Variants in PRXL2B observed in about 807,000 individuals in gnomAD.
PRXL2B encodes the protein peroxiredoxin like 2B, also known as prostamide/prostaglandin F synthase.
In PRXL2B, 26 loss-of-function variants were observed where a neutral mutation model predicts 24.4. The observed-to-expected ratio is 1.07, with a 90% CI of 0.78 to 1.48. PRXL2B has a LOEUF of 1.48. Ranked by LOEUF, PRXL2B falls within the 40% of genes most tolerant of loss-of-function variation. The pLI is 0.00. For synonymous variants in PRXL2B, 115 were observed against 118.9 expected, an observed-to-expected ratio of 0.97 and a Z score of 0.21; for missense variants, 269 against 264.8, an observed-to-expected ratio of 1.02 and a Z score of -0.11.
chr1:2,589,373 T>C (rs773671370), intron 6 of PRXL2B, 37 bp from the exon 7 acceptor site: 16 of 1,610,208 alleles, frequency 9.9e-6, no homozygotes, highest in African/African-American at 1.3e-5. Flanking sequence ...TCTGATCCAG[T>C]GTCCAGCGGC....
chr1:2,588,782 T>C (rs1407627817), intron 5 of PRXL2B, 140 bp from the exon 6 acceptor site: 14 of 1,186,710 alleles, frequency 1.2e-5, no homozygotes, highest in Non-Finnish European at 1.7e-5. Flanking sequence ...AGTGGGGCTG[T>C]GGCAGAACAG....
chr1:2,587,093 C>G lies in PRXL2B; in HGVS notation c.66C>G (p.Ala22=), dbSNP rs1485132279. The part of the protein sequence containing the change: ...CILKHAVTGE[A]VELRSLWREH... ...CCCATGACCCAGCCGCCCGGCAGGC[C>G]GTGGAGCTGCGGAGCCTGTGGCGGG... Residue 22 remains alanine, a splice_region_variant and synonymous_variant, in exon 2 of 7, where the codon GCC becomes GCG. Coordinates refer to ENST00000419916, the MANE Select transcript of PRXL2B (RefSeq NM_152371.5). The surrounding 1 kb of genome is among the most constrained non-coding windows in gnomAD (Gnocchi z 6.1). 10 of 1,529,420 alleles carry G rather than the reference C, an allele frequency of 6.5e-6. No homozygotes were observed. The highest frequency in any genetic ancestry group is 5.6e-5 in the African/African-American group (4 of 71,686). The allele number at this position is 1,529,420 out of a possible 1,614,324, so 94.7% of individuals were successfully genotyped here.
chr1:2,588,463 G>A lies in PRXL2B; in HGVS notation c.384+10G>A. 1 of 1,614,122 alleles carries A rather than the reference G, an allele frequency of 6.2e-7. No individual in the cohort carries two copies. The highest frequency in any genetic ancestry group is 8.5e-7 in the Non-Finnish European group (1 of 1,180,006). ...TGATGTGGCTGCCAAGGTGTGTGCG[G>A]GTCAAGGGTGTACAGGCCGGGGGGT... is the stretch of plus-strand genomic sequence containing the variant. On this transcript the variant is annotated intron_variant, in intron 4 of 6. Coordinates refer to ENST00000419916, the MANE Select transcript of PRXL2B (RefSeq NM_152371.5).
In PRXL2B at chr1:2,588,930, A is replaced by C; in HGVS notation, c.469A>C (p.Lys157Gln). The C allele has an allele frequency of 6.2e-7, 1 of 1,613,184 alleles. No homozygotes were observed. Among genetic ancestry groups the C allele is most frequent in the Non-Finnish European group, 8.5e-7 (1 of 1,179,952 alleles). ...CCTGCCCGCTGCTACAGGTGGTGAT[A>C]AAGTGCTCCTGCATTTCGTCCAGAA... is the stretch of plus-strand genomic sequence containing the variant. ...GLLVVSKGGD[K>Q]VLLHFVQKSP... Residue 157 changes from lysine to glutamine, a missense_variant, in exon 6 of 7, where the codon AAA becomes CAA. Physicochemically the swap from Lys to Gln is moderately conservative, Grantham distance 53. Transcript: ENST00000419916.
At chr1:2,588,765 T>G in intron 5 of PRXL2B, 140 bp downstream of exon 5, 2 of 1,189,924 alleles carry the variant, frequency 1.7e-6, no homozygotes, top group South Asian at 2.7e-5. Flanking sequence ...GCGTGTCTGC[T>G]GGGCTGAGTG....
At position 2,591,178 on chromosome 1, in the gene PRXL2B, A is replaced by C; in HGVS notation, c.*1751A>C. 1.1e-6 allele frequency: 1 copy of C among 877,258 alleles called. No homozygotes were observed. Among genetic ancestry groups the C allele is most frequent in the Non-Finnish European group, 1.7e-6 (1 of 585,010 alleles). The allele number at this position is 877,258 out of a possible 1,614,324, so 54.3% of individuals were successfully genotyped here. Reference sequence around the variant, plus strand: ...TTCTCCGTGATTAAAAACCAGCCCAAAACATCAGCCTAATGGCTCATGTCA... The same window carrying C: ...TTCTCCGTGATTAAAAACCAGCCCACAACATCAGCCTAATGGCTCATGTCA... On this transcript the variant is annotated 3_prime_UTR_variant, in exon 7 of 7. Coordinates refer to ENST00000419916, the MANE Select transcript of PRXL2B (RefSeq NM_152371.5).
In PRXL2B at chr1:2,589,527, G is replaced by A. The variant is rs748901492; in HGVS notation, c.*100G>A. 142 of 1,561,716 alleles carry A rather than the reference G, an allele frequency of 9.1e-5. No individual in the cohort carries two copies. Among genetic ancestry groups the A allele is most frequent in the Non-Finnish European group, 1.2e-4 (137 of 1,141,938 alleles). ...AGAACTGTTCCGGAGGCGCTGGGTCGGGATGCCGAACCTCTCCTGATCCGC... is the reference window on the plus strand; with the variant it reads ...AGAACTGTTCCGGAGGCGCTGGGTCAGGATGCCGAACCTCTCCTGATCCGC... On this transcript the variant is annotated 3_prime_UTR_variant, in exon 7 of 7. Transcript: ENST00000419916.
rs778844101 is a variant in PRXL2B, at chr1:2,590,906, A to G, written c.*1479A>G. 21 of 1,121,704 alleles carry G rather than the reference A, an allele frequency of 1.9e-5. No individual in the cohort carries two copies. Among genetic ancestry groups the G allele is most frequent in the Non-Finnish European group, 2.5e-5 (21 of 849,774 alleles). The allele number at this position is 1,121,704 out of a possible 1,614,324, so 69.5% of individuals were successfully genotyped here. On this transcript the variant is annotated 3_prime_UTR_variant, in exon 7 of 7. Transcript: ENST00000419916. Reference sequence around the variant, plus strand: ...CATGGTTGGCCGGGGCGGGACGTACACTGGGTCGCCGCTAGCTGCACCTTC... The same window carrying G: ...CATGGTTGGCCGGGGCGGGACGTACGCTGGGTCGCCGCTAGCTGCACCTTC...
At chr1:2,588,849 C>G in intron 5 of PRXL2B, 73 bp from the exon 6 acceptor site, 3 of 1,462,530 alleles carry the variant, frequency 2.1e-6, no homozygotes, top group Non-Finnish European at 1.9e-6. Context: ...GCCCTACCCT[C>G]CCTCCTCCTG....
Position 2,591,355 on chromosome 1 carries a change from C to A in PRXL2B, c.*1928C>A, listed in dbSNP as rs901719103. 5 of 603,256 alleles carry A rather than the reference C, an allele frequency of 8.3e-6. No homozygotes were observed. The Admixed American group carries it at 1.2e-4, about 14-fold the overall frequency. 37.4% of individuals were successfully genotyped at this position (603,256 alleles called of 1,614,324 possible). A position where few individuals can be genotyped will look rare whatever the true frequency, so the allele number is the denominator to read the frequency against. ...AAACATTCGCAGCCTGCGGTAGGCT[C>A]CCCCTTCCTAAACCCTTAAATGCCC... On this transcript the variant is annotated 3_prime_UTR_variant, in exon 7 of 7. Coordinates refer to ENST00000419916, the MANE Select transcript of PRXL2B (RefSeq NM_152371.5).
At position 2,591,288 on chromosome 1, in the gene PRXL2B, C is replaced by G; in HGVS notation, c.*1861C>G. 1 of 596,296 alleles carries G rather than the reference C, an allele frequency of 1.7e-6. No homozygotes were observed. The highest frequency in any genetic ancestry group is 3.0e-6 in the Non-Finnish European group (1 of 337,116). 36.9% of individuals were successfully genotyped at this position (596,296 alleles called of 1,614,324 possible). ...TCCTGAGAATAACCTCCCCTCCAGC[C>G]AGAGATATTCCAACTCTGCAATAAA... On this transcript the variant is annotated 3_prime_UTR_variant, in exon 7 of 7. Coordinates refer to ENST00000419916, the MANE Select transcript of PRXL2B (RefSeq NM_152371.5).
At chr1:2,588,720 A>G (rs1644593672) in intron 5 of PRXL2B, 95 bp downstream of exon 5, 1 of 1,400,820 alleles carries the variant, frequency 7.1e-7, no homozygotes, top group Non-Finnish European at 9.9e-7. Context: ...TGTCAGTCTC[A>G]TCACAGCCCC....
At position 2,590,746 on chromosome 1, in the gene PRXL2B, C is replaced by T. The variant is rs758573258; in HGVS notation, c.*1319C>T. ...GTTGATTGTCTCTACAGAGCTGTGA[C>T]GGGGGCACTGAGCCCCGCGGGTGTC... On this transcript the variant is annotated 3_prime_UTR_variant, in exon 7 of 7. Transcript: ENST00000419916. 6.8e-5 allele frequency: 27 copies of T among 399,202 alleles called. No homozygotes were observed. The highest frequency in any genetic ancestry group is 2.2e-4 in the South Asian group (2 of 9,008). The allele number at this position is 399,202 out of a possible 1,614,324, so 24.7% of individuals were successfully genotyped here.
Position 2,586,859 on chromosome 1 carries a change from C to T in PRXL2B, c.-27C>T, listed in dbSNP as rs1644529398. ...AGCGGGGAACAGGGAGTCGGGGAGC[C>T]GGGAACCAGGGCTGGCAGCGGCCGC... On this transcript the variant is annotated 5_prime_UTR_variant, in exon 1 of 7. Transcript: ENST00000419916. 8 of 1,286,750 alleles carry T rather than the reference C, an allele frequency of 6.2e-6. No individual in the cohort carries two copies. The highest frequency in any genetic ancestry group is 6.1e-5 in the East Asian group (2 of 32,842). 79.7% of individuals were successfully genotyped at this position (1,286,750 alleles called of 1,614,324 possible). A position where few individuals can be genotyped will look rare whatever the true frequency, so the allele number is the denominator to read the frequency against.
At position 2,589,422 on chromosome 1, in the gene PRXL2B, G is replaced by A. The variant is rs1388534375; in HGVS notation, c.592G>A (p.Val198Met). The A allele has an allele frequency of 1.2e-6, 2 of 1,613,808 alleles. No individual in the cohort carries two copies. The highest frequency in any genetic ancestry group is 1.7e-6 in the Non-Finnish European group (2 of 1,179,902). The change falls in exon 7 of 7, where the codon GTG becomes ATG. Residue 198 changes from valine to methionine, a missense_variant. Physicochemically the swap from Val to Met is conservative, Grantham distance 21. Coordinates refer to ENST00000419916, the MANE Select transcript of PRXL2B (RefSeq NM_152371.5). Reference sequence around the variant, plus strand: ...GCTGTCCCCACAGTGTGACAGAGAGGTGTGAGGGAGGCGAAGGCCCTGGCC... The same window carrying A: ...GCTGTCCCCACAGTGTGACAGAGAGATGTGAGGGAGGCGAAGGCCCTGGCC... ...ASDPPQCDRE[V>M] is the part of the protein sequence containing the mutation.
Position 2,589,624 on chromosome 1 carries a change from T to A in PRXL2B, c.*197T>A. ...TTCGCAGGCTCCGAGCCCTGCATCC[T>A]CCACAGCCCCCGCCTTGCTCACTGT... On this transcript the variant is annotated 3_prime_UTR_variant, in exon 7 of 7. Transcript: ENST00000419916. 1 of 709,258 alleles carries A rather than the reference T, an allele frequency of 1.4e-6. No homozygotes were observed. The allele number at this position is 709,258 out of a possible 1,614,324, so 43.9% of individuals were successfully genotyped here.
In PRXL2B at chr1:2,588,512, C is replaced by T. The variant is rs778483890; in HGVS notation, c.385-38C>T. On this transcript the variant is annotated intron_variant, in intron 4 of 6. Transcript: ENST00000419916. ...GTGGTGGGAGCTCCCAGGAGCCTTT[C>T]TTCTAGGATTGACTCAGGCTGTACC... 7.4e-6 allele frequency: 12 copies of T among 1,613,724 alleles called. No homozygotes were observed. The East Asian group carries it at 2.0e-4, about 27-fold the overall frequency.
chr1:2,588,325 C>G, intron 3 of PRXL2B, 65 bp from the exon 4 acceptor site: 1 of 1,612,256 alleles, frequency 6.2e-7, no homozygotes, highest in Non-Finnish European at 8.5e-7. Flanking sequence ...GTCTCATGGA[C>G]ACTGGAGCAG....
In PRXL2B at chr1:2,587,143, T is replaced by C. The variant is rs1346469260; in HGVS notation, c.116T>C (p.Leu39Pro). ...GAGCACGCGTGCGTGGTGGCCGGGC[T>C]GCGGCGCTTCGGGTGCGTGGTGTGC... ...WREHACVVAG[L>P]RRFGCVVCRW... The change falls in exon 2 of 7, where the codon CTG (leucine) becomes CCG (proline). Residue 39 changes from leucine to proline, a missense_variant. Physicochemically the swap from Leu to Pro is moderately conservative, Grantham distance 98. Transcript: ENST00000419916. This position sits in a 1 kb window ranked among gnomAD's most constrained non-coding sequence, Gnocchi z 6.1. The C allele has an allele frequency of 6.5e-7, 1 of 1,540,400 alleles. No individual in the cohort carries two copies. Among genetic ancestry groups the C allele is most frequent in the East Asian group, 2.4e-5 (1 of 41,232 alleles).
Sources: gnomAD v4.1 joint callset for allele counts on GRCh38, gnomAD v4.1.1 for gene constraint, Gnocchi (gnomAD v3.1) non-coding constraint, MANE v1.5 for transcripts, NCBI Gene and HGNC (gene_info 2026-07-23, HGNC 2026-07-21) for gene names.